The following SLIT3 variants were observed in gnomAD, a reference collection of about 807,000 sequenced individuals.
SLIT3 encodes slit guidance ligand 3.
SLIT3 carries 68 observed loss-of-function variants against 184.0 expected under a neutral mutation model. The ratio of observed to expected loss-of-function variants is 0.37; its 90% confidence interval spans 0.30 to 0.45. The LOEUF is 0.45. Ranked by LOEUF, SLIT3 falls within the 20% of genes least tolerant of loss-of-function variation. The pLI is 1.00. For synonymous variants in SLIT3, 831 were observed against 828.6 expected, an observed-to-expected ratio of 1.00 and a Z score of -0.05; for missense variants, 1,707 against 2,026.0, an observed-to-expected ratio of 0.84 and a Z score of 3.02.
chr5:168,690,596 C>T (rs186332618), intron 29 of SLIT3, among the ~76,000 whole-genome samples: 7 of 152,280 alleles, frequency 4.6e-5, no homozygotes, highest in Non-Finnish European at 8.8e-5. Flanking sequence ...TCCCATACTT[C>T]GTAAAGATCA....
chr5:169,056,079 G>T (rs1757993202), intron 4 of SLIT3, among the ~76,000 whole-genome samples: 1 of 152,136 alleles, frequency 6.6e-6, no homozygotes, highest in African/African-American at 2.4e-5. Flanking sequence ...GTCTGGTTAG[G>T]CAGGTTTTGT....
At chr5:168,765,021 G>A (rs1561920153) in intron 14 of SLIT3, among the ~76,000 whole-genome samples, 1 of 152,178 alleles carries the variant, frequency 6.6e-6, no homozygotes, top group Non-Finnish European at 1.5e-5. Context: ...AAGGGGCATT[G>A]CACACACATA....
At chr5:169,040,309 G>C (rs1170996132) in intron 4 of SLIT3, among the ~76,000 whole-genome samples, 1 of 152,146 alleles carries the variant, frequency 6.6e-6, no homozygotes, top group Non-Finnish European at 1.5e-5. Flanking sequence ...TTGCTCATCT[G>C]TATTTATCCC....
intron 6 of SLIT3, among the ~76,000 whole-genome samples, chr5:168,824,754 A>G (rs1237521531): frequency 6.6e-6 from 1 of 152,130 alleles, no homozygotes; most frequent in Non-Finnish European, 1.5e-5. Context: ...TCCCAGAACC[A>G]CATCAGACAT....
chr5:168,827,367 C>G (rs1757740078), intron 6 of SLIT3, among the ~76,000 whole-genome samples: 1 of 152,204 alleles, frequency 6.6e-6, no homozygotes, highest in South Asian at 2.1e-4. Flanking sequence ...GTAGAGACCA[C>G]CCATGCCCCT....
intron 1 of SLIT3, among the ~76,000 whole-genome samples, chr5:169,278,014 T>C (rs1766871764): frequency 6.6e-6 from 1 of 152,246 alleles, no homozygotes; most frequent in Admixed American, 6.5e-5. Flanking sequence ...TGTTCACCAC[T>C]GCACGAGGTG....
chr5:169,279,779 T>C (rs1042158639), intron 1 of SLIT3, among the ~76,000 whole-genome samples: 1 of 152,218 alleles, frequency 6.6e-6, no homozygotes, highest in African/African-American at 2.4e-5. Flanking sequence ...CTGCCACTTA[T>C]GAGCTTCCAG....
rs1478446858 is a variant in SLIT3, at chr5:168,838,698, G to A, written c.557+5886C>T. On this transcript the variant is annotated intron_variant, in intron 6 of 35. Coordinates refer to ENST00000519560, the MANE Select transcript of SLIT3 (RefSeq NM_003062.4). ...GGAGAGTGAGCACACCCTGACCTAG[G>A]TTTCAGGACTGCTGTCGATTTTTTT... 2.0e-5 allele frequency among the ~76,000 whole-genome samples: 3 copies of A among 152,074 alleles called. No homozygotes were observed. The East Asian group carries it at 5.8e-4, about 29-fold the overall frequency.
At chr5:169,138,072 C>A (rs1761588453) in intron 4 of SLIT3, among the ~76,000 whole-genome samples, 1 of 152,206 alleles carries the variant, frequency 6.6e-6, no homozygotes, top group African/African-American at 2.4e-5. Flanking sequence ...CATAAACACT[C>A]TAGGCCTCAG....
chr5:169,070,235 G>GTAA (rs1338629364), intron 4 of SLIT3, among the ~76,000 whole-genome samples: 1 of 152,148 alleles, frequency 6.6e-6, no homozygotes, highest in Non-Finnish European at 1.5e-5. Flanking sequence ...TGTCCTTGAA[G>GTAA]TAACTGGATG....
At chr5:169,236,209 T>C (rs1220647759) in intron 3 of SLIT3, among the ~76,000 whole-genome samples, 1 of 152,224 alleles carries the variant, frequency 6.6e-6, no homozygotes, top group Non-Finnish European at 1.5e-5. Flanking sequence ...GTTCCAGCTT[T>C]GGCCACTAAG....
At chr5:168,981,480 C>T (rs969441595) in intron 4 of SLIT3, among the ~76,000 whole-genome samples, 6 of 152,128 alleles carry the variant, frequency 3.9e-5, no homozygotes, top group African/African-American at 1.2e-4. Flanking sequence ...AGGTTCCATG[C>T]GCAGAGCCTC....
intron 4 of SLIT3, among the ~76,000 whole-genome samples, chr5:168,911,584 T>C (rs969533587): frequency 4.6e-5 from 7 of 152,224 alleles, no homozygotes; most frequent in African/African-American, 1.7e-4. Context: ...TCTGGCAGCA[T>C]GAAATGCCAT....
At chr5:168,753,739 G>A in intron 17 of SLIT3, 125 bp downstream of exon 17, 1 of 1,144,206 alleles carries the variant, frequency 8.7e-7, no homozygotes, top group Non-Finnish European at 1.2e-6. Context: ...CTGACTCCAG[G>A]AAGAGAGGGA....
intron 3 of SLIT3, among the ~76,000 whole-genome samples, chr5:169,241,071 T>A (rs563285301): frequency 6.6e-6 from 1 of 152,116 alleles, no homozygotes; most frequent in Non-Finnish European, 1.5e-5. Context: ...TCAACTCCCA[T>A]GTTTTTCTTG....
chr5:168,675,123 T>A (rs1356653022), intron 32 of SLIT3, among the ~76,000 whole-genome samples: 1 of 152,084 alleles, frequency 6.6e-6, no homozygotes, highest in Non-Finnish European at 1.5e-5. Flanking sequence ...TGGGAGATGA[T>A]GGGAGTTGGG....
chr5:168,854,342 G>A (rs1020873982), intron 5 of SLIT3, among the ~76,000 whole-genome samples: 1 of 128,192 alleles, frequency 7.8e-6, no homozygotes, highest in Admixed American at 8.7e-5. Flanking sequence ...CCAGAAGATG[G>A]TGTTGAGGGT....
chr5:169,193,622 T>C, intron 3 of SLIT3, 72 bp from the exon 4 acceptor site: 1 of 1,119,210 alleles, frequency 8.9e-7, no homozygotes, highest in Non-Finnish European at 1.4e-6. Context: ...GATACCACTT[T>C]AATCAATCAG....
At chr5:169,215,681 C>T (rs180903918) in intron 3 of SLIT3, among the ~76,000 whole-genome samples, 7 of 152,208 alleles carry the variant, frequency 4.6e-5, no homozygotes, top group East Asian at 3.9e-4. Context: ...CTCCCTGGCC[C>T]GATCAGAATG....
Sources: allele counts gnomAD v4.1 joint callset (sites outside exome capture counted in the v4.1 genomes callset), GRCh38; gene constraint gnomAD v4.1.1; transcripts MANE v1.5; gene names NCBI Gene and HGNC (gene_info 2026-07-23, HGNC 2026-07-21).